Variants in QKI observed in about 807,000 individuals in gnomAD.
The protein encoded by QKI is QKI, KH domain containing RNA binding, also known as KH domain-containing RNA-binding protein QKI.
QKI carries 10 observed loss-of-function variants against 39.0 expected under a neutral mutation model. The observed-to-expected ratio is 0.26, with a 90% CI of 0.16 to 0.43. The LOEUF (loss-of-function observed/expected upper bound fraction) is 0.43. QKI is among the 20% of genes least tolerant of loss of function. The pLI is 1.00. For synonymous variants in QKI, 204 were observed against 155.4 expected (o/e 1.31, Z -2.33); for missense variants, 218 against 428.0 (o/e 0.51, Z 4.33).
chr6:163,453,868 TTAATTGATTAAGATTTTATA>T (rs1790747821), intron 1 of QKI, among the ~76,000 whole-genome samples: 2 of 152,174 alleles, frequency 1.3e-5, no homozygotes, highest in South Asian at 4.1e-4. Flanking sequence ...AGTGCCTTTT[TTAATTGATTAAGATTTTATA>T]ACTGAGTAAG....
At chr6:163,512,378 AAAG>A (rs140300341) in intron 3 of QKI, among the ~76,000 whole-genome samples, 4,216 of 152,156 alleles carry the variant, frequency 0.028, 186 homozygotes, top group African/African-American at 0.095. Flanking sequence ...ACAGAATGGA[AAAG>A]AAGAAGACTT....
chr6:163,435,678 A>G (rs1789207653), intron 1 of QKI, among the ~76,000 whole-genome samples: 1 of 152,210 alleles, frequency 6.6e-6, no homozygotes, highest in Admixed American at 6.5e-5. Flanking sequence ...ATTTTAGTAG[A>G]TGATATGCCT....
At chr6:163,496,296 G>A (rs1034899345) in intron 3 of QKI, among the ~76,000 whole-genome samples, 1 of 152,106 alleles carries the variant, frequency 6.6e-6, no homozygotes, top group Non-Finnish European at 1.5e-5. Context: ...CTTTGATTTA[G>A]GCATTGTTAT....
At chr6:163,544,511 A>G (rs1244836983) in intron 4 of QKI, among the ~76,000 whole-genome samples, 3 of 152,050 alleles carry the variant, frequency 2.0e-5, no homozygotes, top group African/African-American at 4.8e-5. Flanking sequence ...GCAAATGTCT[A>G]AGGTGATGAA....
rs950250334 is a variant in QKI at position 163,528,967 on chromosome 6, C to G, written c.403-6015C>G. ...ATATTGAGATAGAACTTTAGTCTTGCAGTTTTAAAAAATACTTTTGACCCA... is the reference window on the plus strand; with the variant it reads ...ATATTGAGATAGAACTTTAGTCTTGGAGTTTTAAAAAATACTTTTGACCCA... On this transcript the variant is annotated intron_variant, in intron 3 of 7. Coordinates refer to ENST00000361752, the MANE Select transcript of QKI (RefSeq NM_006775.3). 2.0e-4 allele frequency among the ~76,000 whole-genome samples: 30 copies of G among 152,118 alleles called. 1 individual carries two copies. Among genetic ancestry groups the G allele is most frequent in the Admixed American group, 2.0e-3 (30 of 15,266 alleles).
intron 4 of QKI, among the ~76,000 whole-genome samples, chr6:163,543,317 G>C (rs1376216998): frequency 5.3e-5 from 8 of 152,026 alleles, no homozygotes; most frequent in Non-Finnish European, 1.2e-4. Context: ...AAGACATCTA[G>C]AGGTAATGTA....
chr6:163,488,974 T>TTTC (rs10625218), intron 3 of QKI, among the ~76,000 whole-genome samples: 7 of 34,996 alleles, frequency 2.0e-4, no homozygotes, highest in Non-Finnish European at 5.0e-4. Flanking sequence ...CTTCCATTTC[T>TTTC]TTTTTTTTTT....
At chr6:163,495,888 T>C (rs2128230005) in intron 3 of QKI, among the ~76,000 whole-genome samples, 1 of 152,348 alleles carries the variant, frequency 6.6e-6, no homozygotes, top group East Asian at 1.9e-4. Flanking sequence ...TGATAACTGA[T>C]CATTTGGTTA....
chr6:163,566,148 A>G (rs1783351730), intron 6 of QKI: 3 of 1,400,598 alleles, frequency 2.1e-6, no homozygotes, highest in Admixed American at 5.6e-5. Context: ...GTAATATTAC[A>G]CAGTAATGGT....
At chr6:163,549,185 G>A (rs1782071311) in intron 4 of QKI, among the ~76,000 whole-genome samples, 1 of 152,144 alleles carries the variant, frequency 6.6e-6, no homozygotes, top group Non-Finnish European at 1.5e-5. Context: ...GAGAAATGTG[G>A]GAGGAGAGGC....
At chr6:163,489,153 A>G (rs879505738) in intron 3 of QKI, among the ~76,000 whole-genome samples, 4 of 127,376 alleles carry the variant, frequency 3.1e-5, no homozygotes, top group African/African-American at 8.9e-5. Flanking sequence ...AATAGCCTTT[A>G]TTCGTTTTTT....
chr6:163,566,196 A>AAGTGTACTAT, intron 6 of QKI: 1 of 1,341,262 alleles, frequency 7.5e-7, no homozygotes, highest in Non-Finnish European at 9.6e-7. Context: ...ACTGACTGCT[A>AAGTGTACTAT]AGTGTACTAT....
At chr6:163,445,172 A>G (rs554817751) in intron 1 of QKI, among the ~76,000 whole-genome samples, 2 of 152,216 alleles carry the variant, frequency 1.3e-5, no homozygotes, top group Non-Finnish European at 2.9e-5. Flanking sequence ...GTGGAAAAAA[A>G]TAATGTGGAT....
intron 7 of QKI, chr6:163,569,139 T>C: frequency 1.1e-6 from 1 of 937,646 alleles, no homozygotes; most frequent in South Asian, 4.8e-5. Context: ...GACTACATCA[T>C]GTTAAATATT....
chr6:163,528,935 T>C (rs1037208586), intron 3 of QKI, among the ~76,000 whole-genome samples: 2 of 152,198 alleles, frequency 1.3e-5, no homozygotes, highest in Non-Finnish European at 2.9e-5. Context: ...GCTGTCACTT[T>C]GCTGTTATAT....
chr6:163,442,332 A>G (rs1001554593), intron 1 of QKI, among the ~76,000 whole-genome samples: 4 of 152,218 alleles, frequency 2.6e-5, no homozygotes, highest in African/African-American at 9.6e-5. Context: ...TTTAATTTCT[A>G]GCGTGGTAAG....
chr6:163,475,765 A>G lies in QKI; in HGVS notation c.286-3015A>G, dbSNP rs1248381475. ...TAGATGTAAATTCGAAAGACTTAACAATAAAGCTTCTAGAAGATAACACCA... is the reference window on the plus strand; with the variant it reads ...TAGATGTAAATTCGAAAGACTTAACGATAAAGCTTCTAGAAGATAACACCA... On this transcript the variant is annotated intron_variant, in intron 2 of 7. Transcript: ENST00000361752. Among the ~76,000 whole-genome samples the G allele has an allele frequency of 2.0e-5, 3 of 152,228 alleles. No homozygotes were observed. In the East Asian group the frequency reaches 5.8e-4, roughly 29 times the overall value.
chr6:163,471,555 T>C (rs1372835544), intron 2 of QKI, among the ~76,000 whole-genome samples: 1 of 152,132 alleles, frequency 6.6e-6, no homozygotes, highest in Non-Finnish European at 1.5e-5. Flanking sequence ...CTTGTATTTG[T>C]ATGGGAAAAG....
chr6:163,425,899 A>C (rs201824669), intron 1 of QKI, among the ~76,000 whole-genome samples: 1 of 152,212 alleles, frequency 6.6e-6, no homozygotes, highest in Non-Finnish European at 1.5e-5. Flanking sequence ...TTTTGTCCCA[A>C]TTTCAGAGAT....
Sources: allele counts gnomAD v4.1 joint callset (sites outside exome capture counted in the v4.1 genomes callset), GRCh38; gene constraint gnomAD v4.1.1; transcripts MANE v1.5; gene names NCBI Gene and HGNC (gene_info 2026-07-23, HGNC 2026-07-21).